KLF12: variants seen among roughly 807,000 people sequenced by gnomAD.
KLF12 encodes the protein Krueppel-like factor 12.
KLF12 carries 9 observed loss-of-function variants against 37.8 expected under a neutral mutation model. That is an observed-to-expected ratio of 0.24 (90% CI 0.14 to 0.42). The LOEUF is 0.42. Among genes scored for constraint, KLF12 ranks in the 10% least tolerant of loss-of-function variants. The pLI is 1.00. For synonymous variants in KLF12, 208 were observed against 202.1 expected (o/e 1.03, Z -0.25); for missense variants, 411 against 516.0 (o/e 0.80, Z 1.97).
At chr13:73,800,352 T>A (rs558469256) in intron 5 of KLF12, 1 of 152,204 alleles carries the variant, frequency 6.6e-6, no homozygotes, top group South Asian at 2.1e-4. Flanking sequence ...GAAGAAGTTA[T>A]GAGAACCACC....
At chr13:73,857,590 T>G (rs1885672671) in intron 3 of KLF12, among the ~76,000 whole-genome samples, 1 of 152,234 alleles carries the variant, frequency 6.6e-6, no homozygotes, top group Non-Finnish European at 1.5e-5. Flanking sequence ...TAGGGCTAAC[T>G]TACTGCAGGG....
At chr13:73,991,589 C>T (rs1050612538) in intron 2 of KLF12, among the ~76,000 whole-genome samples, 3 of 152,230 alleles carry the variant, frequency 2.0e-5, no homozygotes, top group African/African-American at 7.2e-5. Flanking sequence ...ATTAGTTCCT[C>T]TTTGCAGATG....
intron 3 of KLF12, among the ~76,000 whole-genome samples, chr13:73,873,189 C>T (rs1215677357): frequency 6.6e-6 from 1 of 152,006 alleles, no homozygotes; most frequent in Non-Finnish European, 1.5e-5. Context: ...TTTGCTCTCC[C>T]CTCTGCTCCC....
At chr13:73,935,616 T>C (rs1245048271) in intron 3 of KLF12, among the ~76,000 whole-genome samples, 1 of 152,074 alleles carries the variant, frequency 6.6e-6, no homozygotes, top group Non-Finnish European at 1.5e-5. Context: ...CCCACTTTGC[T>C]TTCTGCCATG....
intron 2 of KLF12, among the ~76,000 whole-genome samples, chr13:73,977,848 TGCG>T (rs1891578690): frequency 1.3e-5 from 2 of 152,164 alleles, no homozygotes; most frequent in Non-Finnish European, 2.9e-5. Flanking sequence ...TTAACAAAGG[TGCG>T]AAGGCAATAA....
chr13:73,837,910 G>A (rs768424770), intron 4 of KLF12, among the ~76,000 whole-genome samples: 13 of 152,106 alleles, frequency 8.5e-5, no homozygotes, highest in Non-Finnish European at 2.9e-5. Flanking sequence ...CATATGGATG[G>A]GTGACGCCAG....
the KLF12 span, among the ~76,000 whole-genome samples, chr13:74,153,867 C>A: frequency 6.6e-6 from 1 of 152,216 alleles, no homozygotes; most frequent in South Asian, 2.1e-4. Context: ...CCTTTACTTT[C>A]AAGTTTAAGT....
the KLF12 span, among the ~76,000 whole-genome samples, chr13:74,278,333 T>G: frequency 1.3e-5 from 2 of 152,236 alleles, no homozygotes; most frequent in African/African-American, 4.8e-5. Context: ...AAACAACAGC[T>G]TTTTCACTTA....
chr13:73,904,469 C>CTTTTTTTTTTTTTTTTTT (rs11342071), intron 3 of KLF12, among the ~76,000 whole-genome samples: 24 of 91,974 alleles, frequency 2.6e-4, no homozygotes, highest in South Asian at 7.4e-4. Context: ...TCTTTCTTTC[C>CTTTTTTTTTTTTTTTTTT]TTTTTTTTTT....
chr13:74,146,193 A>G, the KLF12 span, among the ~76,000 whole-genome samples: 1 of 152,200 alleles, frequency 6.6e-6, no homozygotes, highest in Non-Finnish European at 1.5e-5. Context: ...AAAAAAGAAC[A>G]TTAAGCAAAC....
At chr13:74,220,641 T>C in the KLF12 span, among the ~76,000 whole-genome samples, 1 of 152,228 alleles carries the variant, frequency 6.6e-6, no homozygotes, top group African/African-American at 2.4e-5. Context: ...TCCTCCTAAA[T>C]GAAATTTTGC....
At chr13:73,762,651 G>C (rs1405024000) in intron 6 of KLF12, among the ~76,000 whole-genome samples, 1 of 152,160 alleles carries the variant, frequency 6.6e-6, no homozygotes, top group Non-Finnish European at 1.5e-5. Context: ...AGCCAAGCTA[G>C]TGTTGAACTT....
At chr13:74,148,394 A>C in the KLF12 span, among the ~76,000 whole-genome samples, 18 of 148,196 alleles carry the variant, frequency 1.2e-4, no homozygotes, top group African/African-American at 4.5e-4. Context: ...AAAGTCTGCC[A>C]AAACTGCTCT....
At chr13:73,957,750 T>C (rs965582097) in intron 2 of KLF12, among the ~76,000 whole-genome samples, 4 of 152,210 alleles carry the variant, frequency 2.6e-5, no homozygotes, top group Admixed American at 6.5e-5. Flanking sequence ...TGACATAAAA[T>C]TTAATATATC....
At chr13:73,744,114 T>G (rs1566336093) in intron 6 of KLF12, among the ~76,000 whole-genome samples, 2 of 152,188 alleles carry the variant, frequency 1.3e-5, no homozygotes. Context: ...ATCTTTGAAC[T>G]AAAGTTAAAT....
intron 1 of KLF12, among the ~76,000 whole-genome samples, chr13:74,122,322 G>T (rs1246802359): frequency 6.6e-6 from 1 of 152,002 alleles, no homozygotes; most frequent in African/African-American, 2.4e-5. Context: ...CATCACAAAA[G>T]ATGTTCAAAG....
intron 1 of KLF12, among the ~76,000 whole-genome samples, chr13:73,999,190 CTT>C (rs750743137): frequency 6.6e-6 from 1 of 152,212 alleles, no homozygotes; most frequent in Non-Finnish European, 1.5e-5. Flanking sequence ...ACACATTTAA[CTT>C]TCACAATTCA....
At chr13:74,075,287 C>T (rs555410891) in intron 1 of KLF12, among the ~76,000 whole-genome samples, 2 of 152,206 alleles carry the variant, frequency 1.3e-5, no homozygotes, top group East Asian at 3.9e-4. Context: ...TTAATCAGTC[C>T]TTCTTGAAGG....
chr13:73,948,623 C>T (rs189441098), intron 2 of KLF12, among the ~76,000 whole-genome samples: 2 of 152,278 alleles, frequency 1.3e-5, no homozygotes, highest in Admixed American at 1.3e-4. Flanking sequence ...GATTACAGGG[C>T]AATTAGGGGT....
Sources: allele counts gnomAD v4.1 joint callset (sites outside exome capture counted in the v4.1 genomes callset), GRCh38; gene constraint gnomAD v4.1.1; transcripts MANE v1.5; gene names NCBI Gene and HGNC (gene_info 2026-07-23, HGNC 2026-07-21).